Variants in SLC24A2 observed in about 807,000 individuals in gnomAD.
SLC24A2 encodes the protein sodium/potassium/calcium exchanger 2.
Under a neutral mutation model 62.0 loss-of-function variants are expected in SLC24A2, and 36 were observed. That is an observed-to-expected ratio of 0.58 (90% CI 0.44 to 0.77). SLC24A2 has a LOEUF of 0.77. Among genes scored for constraint, SLC24A2 ranks in the 30% least tolerant of loss-of-function variants. The pLI is 0.00. For missense variants in SLC24A2, 846 were observed against 817.9 expected (o/e 1.03, Z -0.42); for synonymous variants, 358 against 294.0 (o/e 1.22, Z -2.23).
intron 8 of SLC24A2, among the ~76,000 whole-genome samples, chr9:19,537,079 T>C (rs1186141493): frequency 6.6e-6 from 1 of 151,466 alleles, no homozygotes; most frequent in African/African-American, 2.4e-5. Context: ...TTTGTTTGAG[T>C]TCACTGTAGA....
At chr9:19,778,691 T>C (rs1404721304) in intron 2 of SLC24A2, among the ~76,000 whole-genome samples, 2 of 152,162 alleles carry the variant, frequency 1.3e-5, no homozygotes, top group Non-Finnish European at 2.9e-5. Context: ...CCCGGACCTT[T>C]GACAGGAGAG....
intron 8 of SLC24A2, among the ~76,000 whole-genome samples, chr9:19,547,290 G>A (rs953494310): frequency 1.3e-5 from 2 of 152,162 alleles, no homozygotes; most frequent in Admixed American, 6.5e-5. Context: ...GAGCAATGAA[G>A]TAAAGCCCCG....
chr9:19,927,996 T>G, the SLC24A2 span: 1 of 152,418 alleles, frequency 6.6e-6, no homozygotes, highest in Non-Finnish European at 1.5e-5. Flanking sequence ...GGCCATTGTT[T>G]TCCTGGCAGC....
At chr9:20,106,655 A>G in the SLC24A2 span, among the ~76,000 whole-genome samples, 1 of 152,180 alleles carries the variant, frequency 6.6e-6, no homozygotes, top group Admixed American at 6.5e-5. Context: ...ACAACCCTTC[A>G]TGCTAAAAAC....
At chr9:19,729,786 A>C (rs1821280024) in intron 2 of SLC24A2, among the ~76,000 whole-genome samples, 1 of 152,150 alleles carries the variant, frequency 6.6e-6, no homozygotes, top group South Asian at 2.1e-4. Flanking sequence ...GACCTGGAAT[A>C]AGTTCTAGTG....
Position 19,568,764 on chromosome 9 carries a change from T to G in SLC24A2, c.1347+4587A>C, listed in dbSNP as rs373132024. Among the ~76,000 whole-genome samples, 10 of 152,264 alleles carry G rather than the reference T, an allele frequency of 6.6e-5. No homozygotes were observed. In the East Asian group the frequency reaches 1.7e-3, roughly 26 times the overall value. Reference sequence around the variant, plus strand: ...ATTATTATTTTTAGTGTTGCTGCATTTTTTTTGGAAAAGGTAATGCAATTG... The same window carrying G: ...ATTATTATTTTTAGTGTTGCTGCATGTTTTTTGGAAAAGGTAATGCAATTG... On this transcript the variant is annotated intron_variant, in intron 7 of 10. Coordinates refer to ENST00000341998, the MANE Select transcript of SLC24A2 (RefSeq NM_020344.4).
chr9:19,965,298 G>A, the SLC24A2 span, among the ~76,000 whole-genome samples: 4 of 152,092 alleles, frequency 2.6e-5, no homozygotes, highest in Non-Finnish European at 5.9e-5. Context: ...GCTGAAGCAG[G>A]GTCCTGGATG....
chr9:20,018,774 A>C, the SLC24A2 span, among the ~76,000 whole-genome samples: 10 of 152,166 alleles, frequency 6.6e-5, no homozygotes, highest in African/African-American at 1.9e-4. Flanking sequence ...ATGAAAAAAA[A>C]CCCATATCTT....
chr9:19,562,300 A>C (rs889243501), intron 7 of SLC24A2, among the ~76,000 whole-genome samples: 35 of 152,216 alleles, frequency 2.3e-4, no homozygotes, highest in African/African-American at 8.0e-4. Flanking sequence ...TATTAGAAAT[A>C]CTAATGATAG....
the SLC24A2 span, among the ~76,000 whole-genome samples, chr9:19,827,505 T>C: frequency 6.6e-6 from 1 of 152,022 alleles, no homozygotes; most frequent in Non-Finnish European, 1.5e-5. Context: ...AAAATGTATA[T>C]ATATATATAA....
chr9:20,226,031 G>A, the SLC24A2 span, among the ~76,000 whole-genome samples: 2 of 152,114 alleles, frequency 1.3e-5, no homozygotes, highest in Admixed American at 1.3e-4. Context: ...TGAAAACCCT[G>A]AAACTGTGGA....
the SLC24A2 span, among the ~76,000 whole-genome samples, chr9:19,915,924 T>A: frequency 2.6e-5 from 4 of 152,058 alleles, no homozygotes; most frequent in Non-Finnish European, 5.9e-5. Flanking sequence ...AGGTTTTAAG[T>A]CCAATTATTT....
At chr9:19,584,093 T>C (rs902597569) in intron 5 of SLC24A2, among the ~76,000 whole-genome samples, 1 of 152,062 alleles carries the variant, frequency 6.6e-6, no homozygotes, top group Non-Finnish European at 1.5e-5. Context: ...CAGTCTTCTC[T>C]GGGAGAGGGA....
At chr9:20,090,384 A>G in the SLC24A2 span, among the ~76,000 whole-genome samples, 3 of 152,144 alleles carry the variant, frequency 2.0e-5, no homozygotes, top group Admixed American at 6.5e-5. Flanking sequence ...GTAGCCTGGG[A>G]GTGCCAAGTT....
At chr9:19,790,231 TTTTATC>T (rs1423365292), upstream of SLC24A2, among the ~76,000 whole-genome samples, 4 of 152,182 alleles carry the variant, frequency 2.6e-5, no homozygotes, top group Non-Finnish European at 5.9e-5. Context: ...GACTGAATTT[TTTTATC>T]TTTAACTTTT....
At chr9:19,585,971 C>T (rs1836359703) in intron 5 of SLC24A2, among the ~76,000 whole-genome samples, 1 of 152,178 alleles carries the variant, frequency 6.6e-6, no homozygotes, top group Non-Finnish European at 1.5e-5. Flanking sequence ...TATGAACGTG[C>T]TTTTGTAATT....
At chr9:20,154,904 G>A in the SLC24A2 span, among the ~76,000 whole-genome samples, 1 of 151,698 alleles carries the variant, frequency 6.6e-6, no homozygotes, top group Admixed American at 6.6e-5. Context: ...ATACAACCCT[G>A]GTGGGAATGG....
At chr9:19,896,313 G>A in the SLC24A2 span, among the ~76,000 whole-genome samples, 1 of 152,218 alleles carries the variant, frequency 6.6e-6, no homozygotes, top group Non-Finnish European at 1.5e-5. Context: ...GAGTACATAT[G>A]AAATGTGAAA....
At chr9:19,972,318 C>T in the SLC24A2 span, among the ~76,000 whole-genome samples, 2 of 152,246 alleles carry the variant, frequency 1.3e-5, no homozygotes, top group Non-Finnish European at 2.9e-5. Flanking sequence ...GGGGGCTTTA[C>T]TTTGTTCCCA....
Sources: allele counts gnomAD v4.1 joint callset (sites outside exome capture counted in the v4.1 genomes callset), GRCh38; gene constraint gnomAD v4.1.1; transcripts MANE v1.5; gene names NCBI Gene and HGNC (gene_info 2026-07-23, HGNC 2026-07-21).